The following ITGB5 variants were observed in gnomAD, a reference collection of about 807,000 sequenced individuals.
The protein encoded by ITGB5 is integrin subunit beta 5.
A neutral mutation model predicts 84.8 loss-of-function variants in ITGB5; 38 were observed. That is an observed-to-expected ratio of 0.45 (90% CI 0.35 to 0.59). The LOEUF is 0.59. Among genes scored for constraint, ITGB5 ranks in the 20% least tolerant of loss-of-function variants. The pLI, the probability that ITGB5 is intolerant of heterozygous loss-of-function variation, is 0.01. For missense variants in ITGB5, 905 were observed against 1,034.5 expected, an observed-to-expected ratio of 0.87 and a Z score of 1.72; for synonymous variants, 393 against 414.4, an observed-to-expected ratio of 0.95 and a Z score of 0.63.
chr3:124,795,942 G>A (rs951190251), intron 10 of ITGB5, among the ~76,000 whole-genome samples: 2 of 152,220 alleles, frequency 1.3e-5, no homozygotes, highest in African/African-American at 4.8e-5. Context: ...TGGATTAAAT[G>A]TGTATTATTT....
intron 5 of ITGB5, among the ~76,000 whole-genome samples, chr3:124,826,377 T>C (rs1015959375): frequency 1.3e-5 from 2 of 152,174 alleles, no homozygotes; most frequent in Non-Finnish European, 2.9e-5. Flanking sequence ...GCATGTGAAT[T>C]TTCTTGCTGC....
At chr3:124,796,171 G>A (rs1181218233) in intron 10 of ITGB5, among the ~76,000 whole-genome samples, 1 of 152,180 alleles carries the variant, frequency 6.6e-6, no homozygotes, top group Admixed American at 6.5e-5. Flanking sequence ...CGAATTCTGA[G>A]AGTCCACAAT....
At chr3:124,873,013 A>T (rs1194388998) in intron 2 of ITGB5, among the ~76,000 whole-genome samples, 3 of 150,222 alleles carry the variant, frequency 2.0e-5, no homozygotes, top group African/African-American at 7.3e-5. Flanking sequence ...CATTCCATAA[A>T]GGCTAATTCC....
intron 1 of ITGB5, among the ~76,000 whole-genome samples, chr3:124,886,721 G>A (rs913931958): frequency 1.3e-5 from 2 of 151,818 alleles, no homozygotes; most frequent in Admixed American, 1.3e-4. Flanking sequence ...CCTCAGCCCG[G>A]GAGGGAACAG....
In ITGB5 at chr3:124,810,609, G is replaced by GAATAAT. The variant is rs63222260; in HGVS notation, c.1129-1459_1129-1454dup. Among the ~76,000 whole-genome samples the GAATAAT allele has an allele frequency of 3.5e-3, 512 of 145,822 alleles. 2 individuals are homozygous for GAATAAT. The highest frequency in any genetic ancestry group is 0.012 in the African/African-American group (451 of 38,524). Reference sequence around the variant, plus strand: ...TGAGATTGTTTCTTAAAAAAATTAAGAATAATAATAATAATAATAATAATT... The same window carrying GAATAAT: ...TGAGATTGTTTCTTAAAAAAATTAAGAATAATAATAATAATAATAATAATAATAATT... On this transcript the variant is annotated intron_variant, in intron 8 of 14. Transcript: ENST00000296181.
chr3:124,865,474 CTTTT>C (rs1559977008), intron 2 of ITGB5, among the ~76,000 whole-genome samples: 1 of 57,876 alleles, frequency 1.7e-5, no homozygotes, highest in Admixed American at 2.1e-4. Flanking sequence ...TCCTTTGCGG[CTTTT>C]TTCTTTTTTT....
chr3:124,868,873 G>A (rs1253725515), intron 2 of ITGB5, among the ~76,000 whole-genome samples: 1 of 152,058 alleles, frequency 6.6e-6, no homozygotes, highest in African/African-American at 2.4e-5. Flanking sequence ...GGGCTGATGT[G>A]ACACAGAGCC....
rs768525006 is a variant in ITGB5 at position 124,848,486 on chromosome 3, T to G, written c.434A>C (p.Asp145Ala). Reference protein sequence around the residue: ...DYPVDLYYLMDLSLSMKDDLD... With the variant: ...DYPVDLYYLMALSLSMKDDLD... ...GTCATCCTTCATGGACAGGGAGAGGTCCATCAGGTAGTACAGGTCCACAGG... is the reference window on the plus strand; with the variant it reads ...GTCATCCTTCATGGACAGGGAGAGGGCCATCAGGTAGTACAGGTCCACAGG... Residue 145 changes from aspartate (D) to alanine (A), a missense_variant, in exon 4 of 15, where the codon GAC becomes GCC. By Grantham distance (126) the Asp-to-Ala change is moderately radical (BLOSUM62 -2). Around this residue, in one of 3 missense-constraint regions of ITGB5, gnomAD observed 656 missense variants for 734.7 expected, o/e 0.89. Coordinates refer to ENST00000296181, the MANE Select transcript of ITGB5 (RefSeq NM_002213.5). 2.5e-6 allele frequency: 4 copies of G among 1,613,806 alleles called. No homozygotes were observed. The highest frequency in any genetic ancestry group is 3.4e-6 in the Non-Finnish European group (4 of 1,179,988).
At chr3:124,802,655 C>T (rs182614074) in intron 9 of ITGB5, among the ~76,000 whole-genome samples, 1 of 152,180 alleles carries the variant, frequency 6.6e-6, no homozygotes, top group Admixed American at 6.5e-5. Flanking sequence ...GAACATGGAC[C>T]CCATATTTTC....
chr3:124,889,132 C>T (rs61759458), upstream of ITGB5, among the ~76,000 whole-genome samples: 32 of 152,312 alleles, frequency 2.1e-4, no homozygotes, highest in South Asian at 1.0e-3. Context: ...TCACAATTTA[C>T]CCACAGGAAA....
intron 10 of ITGB5, among the ~76,000 whole-genome samples, chr3:124,775,257 A>C (rs1370930465): frequency 6.6e-6 from 1 of 151,930 alleles, no homozygotes. Flanking sequence ...AGTGTGTGTG[A>C]GGAAGTATTT....
rs561037236 is a variant in ITGB5 at position 124,850,191 on chromosome 3, T to C, written c.362-1633A>G. On this transcript the variant is annotated intron_variant, in intron 3 of 14. Transcript: ENST00000296181. ...CCTCCCACCGTGACAACAAGGCATA[T>C]TTCACTAACTAGATCACGAAGAATC... Among the ~76,000 whole-genome samples the C allele has an allele frequency of 2.0e-5, 3 of 152,164 alleles. No homozygotes were observed. In the South Asian group the frequency reaches 6.2e-4, roughly 32 times the overall value.
chr3:124,891,507 G>A (rs1935000714), upstream of ITGB5, among the ~76,000 whole-genome samples: 1 of 151,248 alleles, frequency 6.6e-6, no homozygotes, highest in South Asian at 2.1e-4. Context: ...TAGGGAGACT[G>A]AGGAGACAGA....
intron 2 of ITGB5, among the ~76,000 whole-genome samples, chr3:124,866,770 G>A (rs1207589470): frequency 6.6e-6 from 1 of 152,176 alleles, no homozygotes; most frequent in Non-Finnish European, 1.5e-5. Flanking sequence ...TCAGGGATTT[G>A]AGGGGAAGGT....
At chr3:124,798,865 G>A (rs1348672320) in intron 9 of ITGB5, among the ~76,000 whole-genome samples, 1 of 152,216 alleles carries the variant, frequency 6.6e-6, no homozygotes, top group Admixed American at 6.5e-5. Context: ...AGGGGAGAGG[G>A]TATGGGACTG....
chr3:124,850,284 G>A (rs971752044), intron 3 of ITGB5, among the ~76,000 whole-genome samples: 1 of 151,966 alleles, frequency 6.6e-6, no homozygotes, highest in Non-Finnish European at 1.5e-5. Context: ...CCTGGGCCAC[G>A]GTTTCTTGAA....
intron 3 of ITGB5, among the ~76,000 whole-genome samples, chr3:124,851,395 T>C (rs2065150719): frequency 6.6e-6 from 1 of 152,124 alleles, no homozygotes; most frequent in Non-Finnish European, 1.5e-5. Flanking sequence ...CAATTTCCTG[T>C]GAGGATAAAA....
intron 10 of ITGB5, among the ~76,000 whole-genome samples, chr3:124,785,650 C>A (rs1043882943): frequency 6.6e-6 from 1 of 150,816 alleles, no homozygotes; most frequent in Non-Finnish European, 1.5e-5. Flanking sequence ...CCAATAACAA[C>A]AGCCAGATAC....
rs976990561 is a variant in ITGB5 at position 124,788,034 on chromosome 3, A to T, written c.1693+8354T>A. ...GTGGTCCTCCTACCTCAGCCTCCCA[A>T]GTAGCTGGGACCACAGGCACACGCC... is the stretch of plus-strand genomic sequence containing the variant. On this transcript the variant is annotated intron_variant, in intron 10 of 14. Coordinates refer to ENST00000296181, the MANE Select transcript of ITGB5 (RefSeq NM_002213.5). 3.3e-5 allele frequency among the ~76,000 whole-genome samples: 5 copies of T among 151,536 alleles called. No homozygotes were observed. The East Asian group carries it at 9.7e-4, about 29-fold the overall frequency.
Sources: gnomAD v4.1 joint callset for allele counts (sites outside exome capture counted in the v4.1 genomes callset) on GRCh38, gnomAD v4.1.1 for gene constraint, gnomAD v4.1.1 regional missense constraint, MANE v1.5 for transcripts, NCBI Gene and HGNC (gene_info 2026-07-23, HGNC 2026-07-21) for gene names.